ERG: variants seen among roughly 807,000 people sequenced by gnomAD.
ERG encodes ETS transcription factor ERG, also known as transcriptional regulator ERG.
In ERG, 9 loss-of-function variants were observed where a neutral mutation model predicts 55.3. That is an observed-to-expected ratio of 0.16 (90% CI 0.10 to 0.28). The LOEUF is 0.28. Ranked by LOEUF, ERG falls within the 10% of genes least tolerant of loss-of-function variation. The pLI is 1.00. For missense variants in ERG, 434 were observed against 631.6 expected (o/e 0.69, Z 3.35); for synonymous variants, 223 against 237.3 (o/e 0.94, Z 0.55).
At chr21:38,622,543 C>T (rs1404390250) in intron 1 of ERG, among the ~76,000 whole-genome samples, 1 of 149,858 alleles carries the variant, frequency 6.7e-6, no homozygotes, top group East Asian at 2.0e-4. Context: ...ACACACCATA[C>T]CACGCACATA....
intron 1 of ERG, among the ~76,000 whole-genome samples, chr21:38,611,609 A>G (rs921226436): frequency 6.6e-6 from 1 of 151,996 alleles, no homozygotes. Context: ...CAGTCTTTCC[A>G]TGACTGTCAC....
chr21:38,448,168 G>A (rs955283300), intron 1 of ERG, among the ~76,000 whole-genome samples: 1 of 152,108 alleles, frequency 6.6e-6, no homozygotes, highest in Non-Finnish European at 1.5e-5. Context: ...CTCACATCTG[G>A]CAAAGCATTA....
At position 38,456,008 on chromosome 21, in the gene ERG, A is replaced by C. The variant is rs532584110; in HGVS notation, c.19-10387T>G. Among the ~76,000 whole-genome samples, 13 of 152,270 alleles carry C rather than the reference A, an allele frequency of 8.5e-5. No homozygotes were observed. The South Asian group carries it at 2.7e-3, about 32-fold the overall frequency. On this transcript the variant is annotated intron_variant, in intron 1 of 9. Transcript: ENST00000288319. ...CTCCACCACTCCGTGCCCCTCATGTACCAAGTCTTCAAGCTCCTCGTCTAA... is the reference window on the plus strand; with the variant it reads ...CTCCACCACTCCGTGCCCCTCATGTCCCAAGTCTTCAAGCTCCTCGTCTAA...
intron 1 of ERG, among the ~76,000 whole-genome samples, chr21:38,578,101 G>A (rs558146827): frequency 1.1e-4 from 16 of 150,252 alleles, no homozygotes; most frequent in South Asian, 6.3e-4. Flanking sequence ...CGCCAGGCCC[G>A]GGAGGGAGTT....
At chr21:38,642,106 C>T (rs1021610048) in intron 1 of ERG, among the ~76,000 whole-genome samples, 1 of 152,174 alleles carries the variant, frequency 6.6e-6, no homozygotes, top group African/African-American at 2.4e-5. Context: ...AGTAATGTGG[C>T]ATTAAAAATA....
At chr21:38,565,058 A>G (rs2059914762) in intron 2 of ERG, among the ~76,000 whole-genome samples, 1 of 152,158 alleles carries the variant, frequency 6.6e-6, no homozygotes. Context: ...TCCCTTTTAG[A>G]GTAGGTGGCA....
intron 2 of ERG, among the ~76,000 whole-genome samples, chr21:38,429,589 G>GTGTA (rs1990075930): frequency 4.3e-5 from 1 of 23,518 alleles, no homozygotes. Context: ...ATACATATGT[G>GTGTA]TATATGTACA....
At chr21:38,646,673 T>C (rs2060458711) in intron 1 of ERG, among the ~76,000 whole-genome samples, 1 of 152,200 alleles carries the variant, frequency 6.6e-6, no homozygotes, top group Non-Finnish European at 1.5e-5. Flanking sequence ...TCAGTTGCCT[T>C]TTAATGGAAA....
intron 1 of ERG, among the ~76,000 whole-genome samples, chr21:38,649,020 C>G (rs565980852): frequency 2.6e-5 from 4 of 152,178 alleles, no homozygotes; most frequent in African/African-American, 7.2e-5. Flanking sequence ...TACTGGGAGT[C>G]ACTTGTCATG....
At position 38,464,621 on chromosome 21, in the gene ERG, T is replaced by C. The variant is rs551855171; in HGVS notation, c.19-19000A>G. ...GGGGTACATGTGCAGAACATGCAGG[T>C]TTGTTACATAGTTATATACGTGCCA... On this transcript the variant is annotated intron_variant, in intron 1 of 9. Transcript: ENST00000288319. Among the ~76,000 whole-genome samples the C allele has an allele frequency of 4.3e-4, 66 of 152,244 alleles. 1 individual carries two copies. Among genetic ancestry groups the C allele is most frequent in the African/African-American group, 1.5e-3 (63 of 41,548 alleles).
rs138650713 is a variant in ERG, at chr21:38,650,296, G to C, written c.-150+11362C>G. The stretch of plus-strand genomic sequence containing the variant: ...AATGTGAATGAGTAAGAATCTGCTA[G>C]TGAAGTTTCTTACTTTGCACAAAAA... On this transcript the variant is annotated intron_variant, in intron 1 of 10. Coordinates refer to the ERG transcript ENST00000398910. Among the ~76,000 whole-genome samples the C allele has an allele frequency of 1.4e-4, 21 of 152,158 alleles. 1 individual carries two copies. The highest frequency in any genetic ancestry group is 4.4e-5 in the Non-Finnish European group (3 of 68,016).
At chr21:38,447,378 C>A (rs956446612) in intron 1 of ERG, among the ~76,000 whole-genome samples, 4 of 151,292 alleles carry the variant, frequency 2.6e-5, no homozygotes, top group Non-Finnish European at 4.4e-5. Context: ...AACAGTAATG[C>A]AAAATGTACC....
At chr21:38,531,505 T>C (rs1168569352) in intron 2 of ERG, among the ~76,000 whole-genome samples, 2 of 151,926 alleles carry the variant, frequency 1.3e-5, no homozygotes, top group Non-Finnish European at 2.9e-5. Context: ...AAAACCTGTT[T>C]TGCTTTGGTA....
intron 6 of ERG, among the ~76,000 whole-genome samples, 190 bp from the exon 7 acceptor site, chr21:38,392,634 AT>A (rs1988029258): frequency 6.6e-6 from 1 of 152,182 alleles, no homozygotes; most frequent in Non-Finnish European, 1.5e-5. Flanking sequence ...GTGGTCTAAA[AT>A]TCTCACCCGT....
intron 6 of ERG, among the ~76,000 whole-genome samples, chr21:38,397,191 T>C (rs2836368): frequency 0.26 from 39,189 of 152,042 alleles, 5,823 homozygotes; most frequent in South Asian, 0.36. Context: ...CCTCGGCCAA[T>C]TGTGCAGGGA....
chr21:38,602,197 C>A (rs955483783), intron 1 of ERG, among the ~76,000 whole-genome samples: 2 of 152,190 alleles, frequency 1.3e-5, no homozygotes, highest in African/African-American at 4.8e-5. Context: ...GTAATCCCAG[C>A]ACTTTGGGAG....
intron 2 of ERG, among the ~76,000 whole-genome samples, chr21:38,572,035 A>G (rs2059961011): frequency 1.3e-5 from 2 of 152,124 alleles, no homozygotes; most frequent in African/African-American, 2.4e-5. Context: ...TAATACATCA[A>G]AAGGAACCAT....
At chr21:38,499,976 TGTTGATTTCC>T (rs2059409215), upstream of ERG, among the ~76,000 whole-genome samples, 1 of 151,726 alleles carries the variant, frequency 6.6e-6, no homozygotes, top group Non-Finnish European at 1.5e-5. Context: ...TATGAGGGGG[TGTTGATTTCC>T]GCTCTTTTCA....
chr21:38,584,185 G>A (rs1053195132), intron 1 of ERG, among the ~76,000 whole-genome samples: 5 of 152,122 alleles, frequency 3.3e-5, no homozygotes, highest in Admixed American at 6.5e-5. Context: ...TACATTCTGC[G>A]GCCTGCATGA....
Sources: gnomAD v4.1 joint callset for allele counts (sites outside exome capture counted in the v4.1 genomes callset) on GRCh38, gnomAD v4.1.1 for gene constraint, MANE v1.5 for transcripts, NCBI Gene and HGNC (gene_info 2026-07-23, HGNC 2026-07-21) for gene names.